Variants in ARHGAP28 observed in about 807,000 individuals in gnomAD.
The protein encoded by ARHGAP28 is rho GTPase-activating protein 28.
A neutral mutation model predicts 90.7 loss-of-function variants in ARHGAP28; 56 were observed. The observed-to-expected ratio is 0.62, with a 90% CI of 0.50 to 0.77. The LOEUF is 0.77. Ranked by LOEUF, ARHGAP28 falls within the 30% of genes least tolerant of loss-of-function variation. The pLI, the probability that ARHGAP28 is intolerant of heterozygous loss-of-function variation, is 0.00. For synonymous variants in ARHGAP28, 308 were observed against 323.3 expected (o/e 0.95, Z 0.51); for missense variants, 869 against 900.9 (o/e 0.96, Z 0.45).
chr18:6,750,411 C>A (rs1458878025), intron 1 of ARHGAP28, among the ~76,000 whole-genome samples: 1 of 152,208 alleles, frequency 6.6e-6, no homozygotes, highest in African/African-American at 2.4e-5. Context: ...ATACATCCTA[C>A]TTCCTTTGCC....
chr18:6,735,577 C>T (rs987903933), intron 1 of ARHGAP28, among the ~76,000 whole-genome samples: 2 of 147,572 alleles, frequency 1.4e-5, no homozygotes, highest in African/African-American at 2.5e-5. Flanking sequence ...TTTTTTGAGC[C>T]AAGGTCTTGC....
Position 6,765,962 on chromosome 18 carries a change from G to A in ARHGAP28, c.122+36019G>A, listed in dbSNP as rs1028198211. Among the ~76,000 whole-genome samples, 7 of 152,194 alleles carry A rather than the reference G, an allele frequency of 4.6e-5. 2 individuals carry two copies. ...AATCAATTTCTAATTTAATTCCATT[G>A]TGGTCAAAGAACATACTTTGCATGA... On this transcript the variant is annotated intron_variant, in intron 1 of 17. Transcript: ENST00000383472.
At position 6,849,235 on chromosome 18, in the gene ARHGAP28, G is replaced by A. The variant is rs2056890116; in HGVS notation, c.544-1799G>A. Among the ~76,000 whole-genome samples, 3 of 145,958 alleles carry A rather than the reference G, an allele frequency of 2.1e-5. No homozygotes were observed. The Admixed American group carries it at 2.1e-4, about 10-fold the overall frequency. ...ATCTCACTGTTAAACTCCAGACTGG[G>A]TGACAAGACCTTGTCTCAAAAAAAA... On this transcript the variant is annotated intron_variant, in intron 3 of 17. Transcript: ENST00000383472.
chr18:6,874,093 C>T (rs1312796362), intron 9 of ARHGAP28, among the ~76,000 whole-genome samples: 1 of 152,096 alleles, frequency 6.6e-6, no homozygotes, highest in Non-Finnish European at 1.5e-5. Context: ...ATGTTATTTG[C>T]GCATATGAAT....
At position 6,871,097 on chromosome 18, in the gene ARHGAP28, G is replaced by A. The variant is rs1322121347; in HGVS notation, c.954+365G>A. ...TTACAGGTGTGAGCCGCCGTGCATG[G>A]CCAAGATTTCTTTTTTTAAATATCT... On this transcript the variant is annotated intron_variant, in intron 7 of 17. Coordinates refer to ENST00000383472, the MANE Select transcript of ARHGAP28 (RefSeq NM_001366230.1). Among the ~76,000 whole-genome samples the A allele has an allele frequency of 2.0e-5, 3 of 152,312 alleles. No individual in the cohort carries two copies. The East Asian group carries it at 5.8e-4, about 29-fold the overall frequency.
At chr18:6,802,427 C>A (rs1370017120) in intron 1 of ARHGAP28, among the ~76,000 whole-genome samples, 1 of 139,934 alleles carries the variant, frequency 7.1e-6, no homozygotes, top group Admixed American at 7.9e-5. Flanking sequence ...CTCACTGCAA[C>A]CTCTGCCTCC....
chr18:6,866,834 T>A (rs2057041580), intron 5 of ARHGAP28, among the ~76,000 whole-genome samples: 1 of 152,132 alleles, frequency 6.6e-6, no homozygotes, highest in Admixed American at 6.5e-5. Context: ...AAACCATCAG[T>A]TTCAAGCCCT....
At chr18:6,803,241 T>C (rs1047469202) in intron 1 of ARHGAP28, among the ~76,000 whole-genome samples, 2 of 152,176 alleles carry the variant, frequency 1.3e-5, no homozygotes, top group Non-Finnish European at 2.9e-5. Flanking sequence ...CCTTTATAGG[T>C]TGAGGTAGTA....
intron 1 of ARHGAP28, among the ~76,000 whole-genome samples, chr18:6,774,837 G>A (rs1469787394): frequency 6.6e-6 from 1 of 152,178 alleles, no homozygotes; most frequent in Non-Finnish European, 1.5e-5. Flanking sequence ...GGTGGGGAAG[G>A]AGTTCTACAG....
chr18:6,903,400 G>A (rs749510396), intron 16 of ARHGAP28, among the ~76,000 whole-genome samples: 2 of 152,088 alleles, frequency 1.3e-5, no homozygotes, highest in Admixed American at 6.5e-5. Flanking sequence ...ACTAATGAAA[G>A]TACACATCAT....
At chr18:6,780,091 C>T (rs1225906643) in intron 1 of ARHGAP28, among the ~76,000 whole-genome samples, 1 of 152,152 alleles carries the variant, frequency 6.6e-6, no homozygotes, top group East Asian at 1.9e-4. Context: ...ACAAGCCCAC[C>T]CCAGCTTTCA....
intron 1 of ARHGAP28, among the ~76,000 whole-genome samples, chr18:6,777,192 A>G (rs2056290735): frequency 6.6e-6 from 1 of 152,208 alleles, no homozygotes; most frequent in Admixed American, 6.5e-5. Flanking sequence ...AGCAAAATAG[A>G]AAAAGATGTA....
intron 2 of ARHGAP28, among the ~76,000 whole-genome samples, chr18:6,826,702 T>TC (rs1192430710): frequency 3.7e-4 from 56 of 149,460 alleles, no homozygotes; most frequent in South Asian, 8.5e-4. Flanking sequence ...TTTTTTTTTT[T>TC]TTTTATTGAT....
intron 1 of ARHGAP28, among the ~76,000 whole-genome samples, chr18:6,823,053 G>T (rs192297755): frequency 6.6e-6 from 1 of 152,200 alleles, no homozygotes; most frequent in African/African-American, 2.4e-5. Flanking sequence ...CCACCTGGGA[G>T]CTCTTGTTTG....
chr18:6,737,699 GTTTCATACATT>G (rs2055940565), intron 1 of ARHGAP28, among the ~76,000 whole-genome samples: 1 of 152,132 alleles, frequency 6.6e-6, no homozygotes, highest in Non-Finnish European at 1.5e-5. Flanking sequence ...ATCATATGAA[GTTTCATACATT>G]ATTTCTTTGT....
intron 1 of ARHGAP28, among the ~76,000 whole-genome samples, chr18:6,781,927 G>C (rs1420681288): frequency 6.6e-6 from 1 of 152,104 alleles, no homozygotes; most frequent in African/African-American, 2.4e-5. Context: ...AATTCTCCCT[G>C]GGGCAAGTGG....
At chr18:6,753,266 G>C (rs1265777308) in intron 1 of ARHGAP28, among the ~76,000 whole-genome samples, 1 of 152,202 alleles carries the variant, frequency 6.6e-6, no homozygotes, top group Non-Finnish European at 1.5e-5. Flanking sequence ...AAAGCTTAAA[G>C]TAGGAAAATT....
intron 3 of ARHGAP28, among the ~76,000 whole-genome samples, chr18:6,838,053 CTCTG>C (rs1281078217): frequency 6.6e-6 from 1 of 152,170 alleles, no homozygotes; most frequent in Non-Finnish European, 1.5e-5. Context: ...TTACTGCTAG[CTCTG>C]TCTTATAGCT....
intron 1 of ARHGAP28, among the ~76,000 whole-genome samples, chr18:6,798,093 ACT>A (rs1198702554): frequency 3.9e-5 from 6 of 152,126 alleles, no homozygotes; most frequent in African/African-American, 1.2e-4. Flanking sequence ...AAAGGAAAAG[ACT>A]CTTTTCATTA....
Sources: gnomAD v4.1 joint callset for allele counts (sites outside exome capture counted in the v4.1 genomes callset) on GRCh38, gnomAD v4.1.1 for gene constraint, MANE v1.5 for transcripts, NCBI Gene and HGNC (gene_info 2026-07-23, HGNC 2026-07-21) for gene names.